Variants in SPATA17 observed in about 807,000 individuals in gnomAD.
The protein encoded by SPATA17 is spermatogenesis-associated protein 17.
In SPATA17, 53 loss-of-function variants were observed where a neutral mutation model predicts 62.2. The observed-to-expected ratio is 0.85, with a 90% CI of 0.68 to 1.07. The LOEUF (loss-of-function observed/expected upper bound fraction) is 1.07, where lower values mean the gene tolerates loss of function less well. SPATA17 is among the 50% of genes least tolerant of loss of function. SPATA17 has a pLI of 0.00. For missense variants in SPATA17, 466 were observed against 425.5 expected (o/e 1.10, Z -0.84); for synonymous variants, 146 against 146.8 (o/e 0.99, Z 0.04).
At chr1:217,789,428 C>T (rs935396643) in intron 8 of SPATA17, among the ~76,000 whole-genome samples, 6 of 152,258 alleles carry the variant, frequency 3.9e-5, no homozygotes, top group East Asian at 1.9e-4. Flanking sequence ...TCACCCACCA[C>T]AGTAAAACTC....
At chr1:217,825,875 A>G (rs551963628) in intron 9 of SPATA17, among the ~76,000 whole-genome samples, 2 of 152,150 alleles carry the variant, frequency 1.3e-5, no homozygotes, top group South Asian at 4.1e-4. Flanking sequence ...ATGTTTCTCA[A>G]TAAAAATTGT....
At chr1:217,726,251 T>C (rs1672255040) in intron 5 of SPATA17, among the ~76,000 whole-genome samples, 1 of 152,178 alleles carries the variant, frequency 6.6e-6, no homozygotes, top group Non-Finnish European at 1.5e-5. Context: ...TGGATATTGA[T>C]TTCATGAAGT....
At chr1:217,801,921 T>A (rs1272565350) in intron 9 of SPATA17, 71 bp downstream of exon 9, 1 of 1,399,574 alleles carries the variant, frequency 7.1e-7, no homozygotes, top group Non-Finnish European at 9.7e-7. Context: ...TTAGAGCAAA[T>A]ATAAATATTC....
At chr1:217,742,946 TAA>T (rs1186995041) in intron 6 of SPATA17, among the ~76,000 whole-genome samples, 6 of 111,758 alleles carry the variant, frequency 5.4e-5, no homozygotes, top group African/African-American at 1.5e-4. Context: ...GCATCCAAAT[TAA>T]AATATATATA....
intron 1 of SPATA17, among the ~76,000 whole-genome samples, chr1:217,641,058 G>C (rs1008815309): frequency 1.3e-5 from 2 of 152,048 alleles, no homozygotes; most frequent in Non-Finnish European, 2.9e-5. Context: ...GAGAAAGTTT[G>C]TCCTAGGGCA....
intron 5 of SPATA17, among the ~76,000 whole-genome samples, chr1:217,696,074 G>T (rs1167085917): frequency 6.6e-6 from 1 of 152,184 alleles, no homozygotes; most frequent in African/African-American, 2.4e-5. Context: ...GGGCAATGGC[G>T]GGCGCCCCTC....
Position 217,869,492 on chromosome 1 carries a change from A to G in SPATA17, c.*2473A>G, listed in dbSNP as rs963703856. On this transcript the variant is annotated 3_prime_UTR_variant, in exon 11 of 11. Coordinates refer to ENST00000366933, the MANE Select transcript of SPATA17 (RefSeq NM_138796.4). ...AAAGATGTGAAAAAAGGTTCTCTAC[A>G]GAATGTAGATTTTCCCCATAAGAGA... 3 of 152,196 alleles carry G rather than the reference A, an allele frequency of 2.0e-5. No individual in the cohort carries two copies. Among genetic ancestry groups the G allele is most frequent in the Non-Finnish European group, 4.4e-5 (3 of 68,042 alleles). 9.4% of individuals were successfully genotyped at this position (152,196 alleles called of 1,614,324 possible). A position where few individuals can be genotyped will look rare whatever the true frequency, so the allele number is the denominator to read the frequency against.
intron 9 of SPATA17, among the ~76,000 whole-genome samples, chr1:217,812,575 C>A (rs1245108295): frequency 1.3e-5 from 2 of 152,004 alleles, no homozygotes; most frequent in Admixed American, 6.6e-5. Flanking sequence ...AATGGTCGAA[C>A]CTTTTAAGAT....
chr1:217,775,418 T>A (rs1673561550), intron 7 of SPATA17, among the ~76,000 whole-genome samples: 1 of 152,098 alleles, frequency 6.6e-6, no homozygotes, highest in African/African-American at 2.4e-5. Context: ...TTTTTAAAAA[T>A]ACAGGGCTGG....
At chr1:217,652,985 G>A (rs935348266) in intron 3 of SPATA17, among the ~76,000 whole-genome samples, 1 of 152,152 alleles carries the variant, frequency 6.6e-6, no homozygotes, top group Non-Finnish European at 1.5e-5. Flanking sequence ...CTCAAAAATG[G>A]TAGTTTTTCA....
rs546976501 is a variant in SPATA17 at position 217,702,589 on chromosome 1, A to C, written c.395+19228A>C. Among the ~76,000 whole-genome samples the C allele has an allele frequency of 2.0e-5, 3 of 152,318 alleles. No individual in the cohort carries two copies. The South Asian group carries it at 6.2e-4, about 32-fold the overall frequency. ...ACTTTATTTTTAAATTTGTTCCAGG[A>C]TAGCATTTTTAGAATAGTTAAGAGC... On this transcript the variant is annotated intron_variant, in intron 5 of 10. Coordinates refer to ENST00000366933, the MANE Select transcript of SPATA17 (RefSeq NM_138796.4).
rs1676089884 is a variant in SPATA17 at position 217,869,649 on chromosome 1, G to A, written c.*2630G>A. 2 of 152,000 alleles carry A rather than the reference G, an allele frequency of 1.3e-5. No homozygotes were observed. Among genetic ancestry groups the A allele is most frequent in the South Asian group, 4.2e-4 (2 of 4,810 alleles). The allele number at this position is 152,000 out of a possible 1,614,324, so 9.4% of individuals were successfully genotyped here. On this transcript the variant is annotated 3_prime_UTR_variant, in exon 11 of 11. Coordinates refer to ENST00000366933, the MANE Select transcript of SPATA17 (RefSeq NM_138796.4). ...TCAGGCTGAAACTTGGCATCTTATT[G>A]CTATGAAAAATCTTAAGATCTCTAT...
intron 9 of SPATA17, among the ~76,000 whole-genome samples, chr1:217,842,620 G>A (rs896597047): frequency 2.0e-5 from 3 of 151,814 alleles, no homozygotes; most frequent in African/African-American, 7.2e-5. Flanking sequence ...GATAGCATAT[G>A]CAGTGATGTC....
intron 9 of SPATA17, among the ~76,000 whole-genome samples, chr1:217,861,983 A>G (rs1282130584): frequency 1.3e-5 from 2 of 151,696 alleles, no homozygotes; most frequent in African/African-American, 4.8e-5. Context: ...TCTTTAATAC[A>G]TTTATTTTCA....
chr1:217,658,657 C>G (rs1350542302), intron 3 of SPATA17, among the ~76,000 whole-genome samples: 1 of 151,996 alleles, frequency 6.6e-6, no homozygotes, highest in Non-Finnish European at 1.5e-5. Flanking sequence ...ACTCGGGAGG[C>G]TGAGGCAGGA....
At chr1:217,708,315 C>A (rs972758112) in intron 5 of SPATA17, among the ~76,000 whole-genome samples, 2 of 151,770 alleles carry the variant, frequency 1.3e-5, no homozygotes, top group African/African-American at 2.4e-5. Context: ...AGACTAATAA[C>A]GAGAAAAAGA....
chr1:217,649,255 G>T (rs1670254593), intron 2 of SPATA17, among the ~76,000 whole-genome samples: 1 of 152,118 alleles, frequency 6.6e-6, no homozygotes, highest in African/African-American at 2.4e-5. Flanking sequence ...GAGGCAGATG[G>T]ATCACTTGAG....
chr1:217,640,768 C>T (rs142989680), intron 1 of SPATA17, among the ~76,000 whole-genome samples: 1 of 151,842 alleles, frequency 6.6e-6, no homozygotes. Flanking sequence ...TGAACAAAAT[C>T]TCTGAGACAA....
intron 9 of SPATA17, among the ~76,000 whole-genome samples, chr1:217,808,119 A>G (rs1021105677): frequency 5.3e-5 from 8 of 152,176 alleles, no homozygotes; most frequent in Non-Finnish European, 1.0e-4. Context: ...AGCCTTCCAA[A>G]AAGCAGGAAA....
Sources: allele counts gnomAD v4.1 joint callset (sites outside exome capture counted in the v4.1 genomes callset), GRCh38; gene constraint gnomAD v4.1.1; transcripts MANE v1.5; gene names NCBI Gene and HGNC (gene_info 2026-07-23, HGNC 2026-07-21).